LCMT1: variants seen among roughly 807,000 people sequenced by gnomAD.
The protein encoded by LCMT1 is [Phosphatase 2A protein]-leucine-carboxy methyltransferase 1.
LCMT1 carries 32 observed loss-of-function variants against 47.7 expected under a neutral mutation model. The ratio of observed to expected loss-of-function variants is 0.67; its 90% CI spans 0.51 to 0.90. The LOEUF is 0.90. Ranked by LOEUF, LCMT1 falls within the 40% of genes least tolerant of loss-of-function variation. LCMT1 has a pLI of 0.00. For missense variants in LCMT1, 375 were observed against 415.2 expected (o/e 0.90, Z 0.84); for synonymous variants, 152 against 149.7 (o/e 1.02, Z -0.11).
chr16:25,116,971 G>C (rs1222222128), intron 1 of LCMT1, among the ~76,000 whole-genome samples: 1 of 152,060 alleles, frequency 6.6e-6, no homozygotes, highest in Non-Finnish European at 1.5e-5. Context: ...CATGGAGACT[G>C]GAGTAGAGTG....
Position 25,177,888 on chromosome 16 carries a change from C to T in LCMT1, c.983-113C>T, listed in dbSNP as rs549778910. The stretch of plus-strand genomic sequence containing the variant: ...TTTATGTAGCAGGAGGGCGGTGCTA[C>T]AGTGGTCAGCAGTGTGGCTGGTGCC... On this transcript the variant is annotated intron_variant, in intron 10 of 10. Coordinates refer to ENST00000399069, the MANE Select transcript of LCMT1 (RefSeq NM_016309.3). The T allele has an allele frequency of 8.1e-5, 69 of 847,392 alleles. No individual in the cohort carries two copies. In the African/African-American group the frequency reaches 1.1e-3, roughly 14 times the overall value. 52.5% of individuals were successfully genotyped at this position (847,392 alleles called of 1,614,324 possible).
intron 9 of LCMT1, among the ~76,000 whole-genome samples, chr16:25,171,735 CTTG>C (rs1469887016): frequency 6.6e-6 from 1 of 152,152 alleles, no homozygotes; most frequent in Non-Finnish European, 1.5e-5. Context: ...ATCTATGCTT[CTTG>C]TTCTAAAAAG....
chr16:25,132,620 CAGCGAA>C (rs1260495637), intron 3 of LCMT1, 97 bp downstream of exon 3: 1 of 1,344,240 alleles, frequency 7.4e-7, no homozygotes, highest in African/African-American at 1.4e-5. Context: ...AAAAGTTATG[CAGCGAA>C]AGCCTGTCTC....
At chr16:25,159,581 T>C (rs1297626660) in intron 5 of LCMT1, among the ~76,000 whole-genome samples, 2 of 152,104 alleles carry the variant, frequency 1.3e-5, no homozygotes, top group Non-Finnish European at 2.9e-5. Context: ...CCATATTCTT[T>C]ATATTACTTT....
chr16:25,134,033 A>T (rs1019474355), intron 3 of LCMT1, among the ~76,000 whole-genome samples: 18 of 118,216 alleles, frequency 1.5e-4, no homozygotes, highest in African/African-American at 4.0e-4. Flanking sequence ...TTCGTCTCTT[A>T]AAAAAAAAAA....
chr16:25,137,457 T>C (rs1250088648), intron 3 of LCMT1, among the ~76,000 whole-genome samples: 3 of 152,170 alleles, frequency 2.0e-5, no homozygotes, highest in African/African-American at 7.2e-5. Flanking sequence ...TCTTTTTTTT[T>C]CTTTTGTGAC....
chr16:25,155,879 G>T (rs748941704), intron 5 of LCMT1, among the ~76,000 whole-genome samples: 3 of 152,006 alleles, frequency 2.0e-5, no homozygotes, highest in Non-Finnish European at 2.9e-5. Context: ...ACAGGGTCTC[G>T]CTATGTTGCT....
chr16:25,145,292 CCTG>C (rs1415675239), intron 4 of LCMT1: 1 of 152,176 alleles, frequency 6.6e-6, no homozygotes, highest in African/African-American at 2.4e-5. Context: ...AAATCTGAAT[CCTG>C]CCATGTTTGG....
intron 7 of LCMT1, among the ~76,000 whole-genome samples, chr16:25,165,145 G>A (rs1228750681): frequency 6.6e-6 from 1 of 152,134 alleles, no homozygotes; most frequent in East Asian, 1.9e-4. Context: ...TCTCACAGGA[G>A]TGGCCACTGC....
intron 3 of LCMT1, among the ~76,000 whole-genome samples, chr16:25,135,628 C>T (rs1183792242): frequency 1.3e-5 from 2 of 152,180 alleles, no homozygotes; most frequent in Admixed American, 1.3e-4. Flanking sequence ...GTCTCATGCA[C>T]CTTCCAGCCG....
In LCMT1 at chr16:25,128,509, T is replaced by C. The variant is rs776945207; in HGVS notation, c.148T>C (p.Tyr50His). ...AVSIGYWHDP[Y>H]IQHFVRLSKE... ...AAGCATTGGCTACTGGCATGACCCT[T>C]ACATACAGCACTTTGTGAGACTGTC... The change falls in exon 2 of 11, where the codon TAC becomes CAC. Residue 50 changes from tyrosine (Y) to histidine (H), a missense_variant. Coordinates refer to ENST00000399069, the MANE Select transcript of LCMT1 (RefSeq NM_016309.3). 3.8e-5 allele frequency: 62 copies of C among 1,610,904 alleles called. No homozygotes were observed. The highest frequency in any genetic ancestry group is 5.3e-5 in the Non-Finnish European group (62 of 1,178,666).
chr16:25,140,640 C>T (rs963787761), intron 4 of LCMT1: 13 of 183,104 alleles, frequency 7.1e-5, no homozygotes, highest in Admixed American at 5.0e-4. Flanking sequence ...GAATTGACAT[C>T]ATGAGTAAGG....
intron 1 of LCMT1, among the ~76,000 whole-genome samples, chr16:25,127,313 A>G (rs993491760): frequency 1.3e-5 from 2 of 152,314 alleles, no homozygotes; most frequent in African/African-American, 4.8e-5. Context: ...TTTTTTAAGT[A>G]TATTGTTATA....
intron 1 of LCMT1, among the ~76,000 whole-genome samples, chr16:25,117,030 A>T (rs747202640): frequency 1.1e-4 from 17 of 152,116 alleles, no homozygotes; most frequent in Non-Finnish European, 2.2e-4. Flanking sequence ...AGCAGGTTAG[A>T]ATTTAGAAAG....
intron 1 of LCMT1, among the ~76,000 whole-genome samples, chr16:25,117,422 G>A (rs992031857): frequency 2.6e-5 from 4 of 152,140 alleles, no homozygotes; most frequent in African/African-American, 2.4e-5. Flanking sequence ...CTGATAGGCC[G>A]CCGGCTGGAC....
At chr16:25,140,303 C>T in intron 4 of LCMT1, 56 bp downstream of exon 4, 2 of 1,262,808 alleles carry the variant, frequency 1.6e-6, no homozygotes, top group Non-Finnish European at 2.3e-6. Context: ...ATCCAGCTCT[C>T]AAGAGATGGC....
Position 25,164,618 on chromosome 16 carries a change from CTGA to C in LCMT1, c.591_593del (p.Glu198del), listed in dbSNP as rs2141703157. The C allele has an allele frequency of 6.2e-7, 1 of 1,613,936 alleles. No homozygotes were observed. Among genetic ancestry groups the C allele is most frequent in the East Asian group, 2.2e-5 (1 of 44,876 alleles). On this transcript the variant is annotated inframe_deletion, in exon 7 of 11. Coordinates refer to ENST00000399069, the MANE Select transcript of LCMT1 (RefSeq NM_016309.3). ...TTAAGATTGCCAACACTCCTGATAG[CTGA>C]ATGTGTGCTGGTTTACATGACTCCA...
At chr16:25,164,163 A>G (rs765103463) in intron 6 of LCMT1, among the ~76,000 whole-genome samples, 1 of 152,108 alleles carries the variant, frequency 6.6e-6, no homozygotes, top group Non-Finnish European at 1.5e-5. Context: ...CCAATGTGCA[A>G]GTGACTTTAA....
intron 4 of LCMT1, 155 bp downstream of exon 4, chr16:25,140,402 A>G: frequency 3.2e-6 from 2 of 623,608 alleles, no homozygotes; most frequent in South Asian, 3.8e-5. Flanking sequence ...CACTCATTCC[A>G]GCATGTTCTA....
Sources: gnomAD v4.1 joint callset for allele counts (sites outside exome capture counted in the v4.1 genomes callset) on GRCh38, gnomAD v4.1.1 for gene constraint, MANE v1.5 for transcripts, NCBI Gene and HGNC (gene_info 2026-07-23, HGNC 2026-07-21) for gene names.